RPS6KA5: variants seen among roughly 807,000 people sequenced by gnomAD.
RPS6KA5 encodes the protein ribosomal protein S6 kinase alpha-5.
RPS6KA5 carries 27 observed loss-of-function variants against 85.5 expected under a neutral mutation model. The observed-to-expected ratio is 0.32, with a 90% CI of 0.23 to 0.44. The LOEUF is 0.44. Among genes scored for constraint, RPS6KA5 ranks in the 20% least tolerant of loss-of-function variants. The pLI is 1.00. For missense variants in RPS6KA5, 811 were observed against 980.9 expected (o/e 0.83, Z 2.31); for synonymous variants, 334 against 348.2 (o/e 0.96, Z 0.46).
intron 3 of RPS6KA5, among the ~76,000 whole-genome samples, chr14:90,948,608 T>C (rs753382879): frequency 2.6e-5 from 4 of 151,434 alleles, no homozygotes; most frequent in Admixed American, 1.3e-4. Context: ...GGCAGGAGAA[T>C]GGCATGAACC....
At position 91,060,334 on chromosome 14, in the gene RPS6KA5, G is replaced by C. The variant is rs766260545; in HGVS notation, c.101C>G (p.Thr34Ser). The C allele has an allele frequency of 2.9e-6, 4 of 1,392,144 alleles. No individual in the cohort carries two copies. Among genetic ancestry groups the C allele is most frequent in the South Asian group, 3.4e-5 (2 of 58,210 alleles). 86.2% of individuals were successfully genotyped at this position (1,392,144 alleles called of 1,614,324 possible). A position where few individuals can be genotyped will look rare whatever the true frequency, so the allele number is the denominator to read the frequency against. Residue 34 changes from threonine (T) to serine (S), a missense_variant and splice_region_variant, in exon 1 of 17, where the codon ACT becomes AGT. Around this residue, in one of 3 missense-constraint regions of RPS6KA5, gnomAD observed 113 missense variants for 100.0 expected, o/e 1.13. Transcript: ENST00000614987. ...CGGCAGAGGGCGGGGTCGCTCACCA[G>C]TCCGCAGCTCGTGCTTGACAGTGAG... The part of the protein sequence containing the change: ...QLLTVKHELR[T>S]ANLTGHAEKV...
At chr14:90,909,396 A>C (rs933339172) in intron 7 of RPS6KA5, among the ~76,000 whole-genome samples, 2 of 152,350 alleles carry the variant, frequency 1.3e-5, no homozygotes, top group Admixed American at 1.3e-4. Flanking sequence ...AGCCTTCTGT[A>C]AAGTCAGAAA....
At chr14:90,976,968 C>T (rs1399904224) in intron 3 of RPS6KA5, among the ~76,000 whole-genome samples, 1 of 152,042 alleles carries the variant, frequency 6.6e-6, no homozygotes, top group Admixed American at 6.5e-5. Context: ...TCAAAGAATA[C>T]AGGCAGCAAT....
In RPS6KA5 at chr14:91,038,633, C is replaced by A. The variant is rs957271873; in HGVS notation, c.103+21699G>T. On this transcript the variant is annotated intron_variant, in intron 1 of 16. Coordinates refer to ENST00000614987, the MANE Select transcript of RPS6KA5 (RefSeq NM_004755.4). ...CCGCAGACCTGGCTACTGCTCCAAA[C>A]CAACAATATGACACAGCAGCTTAGC... is the stretch of plus-strand genomic sequence containing the variant. Among the ~76,000 whole-genome samples the A allele has an allele frequency of 3.0e-4, 45 of 152,182 alleles. 1 individual carries two copies.
chr14:90,900,562 C>A, intron 10 of RPS6KA5, 49 bp downstream of exon 10: 1 of 1,563,218 alleles, frequency 6.4e-7, no homozygotes, highest in Non-Finnish European at 8.7e-7. Flanking sequence ...GGTATTTAAA[C>A]ACTCACAAAA....
At chr14:90,957,112 T>A (rs2038563357) in intron 3 of RPS6KA5, among the ~76,000 whole-genome samples, 1 of 152,160 alleles carries the variant, frequency 6.6e-6, no homozygotes, top group Non-Finnish European at 1.5e-5. Flanking sequence ...TCACCCACAC[T>A]GAAGTACAGT....
intron 1 of RPS6KA5, among the ~76,000 whole-genome samples, chr14:91,055,515 C>T (rs2139968963): frequency 6.6e-6 from 1 of 152,286 alleles, no homozygotes; most frequent in East Asian, 1.9e-4. Flanking sequence ...CAGGTTGGCT[C>T]ACACCCGTAA....
In RPS6KA5 at chr14:90,920,335, T is replaced by C. The variant is rs201537795; in HGVS notation, c.703-26A>G. The C allele has an allele frequency of 5.8e-6, 8 of 1,385,120 alleles. No individual in the cohort carries two copies. The Admixed American group carries it at 7.3e-5, about 13-fold the overall frequency. 85.8% of individuals were successfully genotyped at this position (1,385,120 alleles called of 1,614,324 possible). The stretch of plus-strand genomic sequence containing the variant: ...CTATAAAACAACAATAATTTCATTT[T>C]ATAGAATTATCAACTAAAATATTTT... On this transcript the variant is annotated intron_variant, in intron 6 of 16. Coordinates refer to ENST00000614987, the MANE Select transcript of RPS6KA5 (RefSeq NM_004755.4).
chr14:90,932,875 CT>C (rs527641494), intron 5 of RPS6KA5, among the ~76,000 whole-genome samples: 4 of 152,194 alleles, frequency 2.6e-5, no homozygotes, highest in Non-Finnish European at 4.4e-5. Flanking sequence ...ATCTACCCCA[CT>C]TCCTTTTGAG....
intron 6 of RPS6KA5, among the ~76,000 whole-genome samples, chr14:90,920,686 A>C (rs972638370): frequency 2.1e-5 from 3 of 144,272 alleles, no homozygotes; most frequent in Non-Finnish European, 4.5e-5. Flanking sequence ...ACAATAAATG[A>C]AAAAAAAAAC....
At chr14:91,053,665 A>G (rs947602149) in intron 1 of RPS6KA5, among the ~76,000 whole-genome samples, 8 of 152,260 alleles carry the variant, frequency 5.3e-5, no homozygotes, top group African/African-American at 1.9e-4. Flanking sequence ...TATACTCCTT[A>G]AACGGAAAAA....
At chr14:90,881,596 G>A (rs1264219200) in intron 14 of RPS6KA5, among the ~76,000 whole-genome samples, 3 of 152,090 alleles carry the variant, frequency 2.0e-5, no homozygotes, top group Non-Finnish European at 4.4e-5. Flanking sequence ...TGCCTCCTGG[G>A]TTCAAGCGAT....
chr14:90,935,013 G>C (rs1489196200), intron 5 of RPS6KA5, among the ~76,000 whole-genome samples: 1 of 152,116 alleles, frequency 6.6e-6, no homozygotes, highest in Non-Finnish European at 1.5e-5. Flanking sequence ...TTTGGCAAAT[G>C]ACTGATAGAG....
chr14:90,893,966 T>G (rs1297869778), intron 13 of RPS6KA5: 2 of 832,896 alleles, frequency 2.4e-6, no homozygotes, highest in Non-Finnish European at 2.9e-6. Flanking sequence ...AAGACAACTC[T>G]TTAAGTATTT....
chr14:90,937,855 G>A (rs577333455), intron 5 of RPS6KA5, among the ~76,000 whole-genome samples: 36 of 152,150 alleles, frequency 2.4e-4, no homozygotes, highest in African/African-American at 7.7e-4. Flanking sequence ...CACAACATGC[G>A]GGAATTCAAG....
chr14:91,040,776 T>C (rs2042578121), intron 1 of RPS6KA5, among the ~76,000 whole-genome samples: 1 of 152,146 alleles, frequency 6.6e-6, no homozygotes, highest in African/African-American at 2.4e-5. Flanking sequence ...AGAGCACAGT[T>C]TGTCACTGGG....
At chr14:90,997,209 G>A (rs964917692) in intron 2 of RPS6KA5, among the ~76,000 whole-genome samples, 5 of 152,138 alleles carry the variant, frequency 3.3e-5, no homozygotes, top group African/African-American at 1.2e-4. Context: ...AAAGGAAGAA[G>A]ATCATTCTCA....
At chr14:90,965,471 A>G (rs1054183940) in intron 3 of RPS6KA5, among the ~76,000 whole-genome samples, 2 of 152,198 alleles carry the variant, frequency 1.3e-5, no homozygotes, top group African/African-American at 4.8e-5. Flanking sequence ...AAGAAAGGAG[A>G]AAGGAAGAAA....
intron 2 of RPS6KA5, among the ~76,000 whole-genome samples, chr14:90,991,092 G>C (rs2040288429): frequency 6.6e-6 from 1 of 152,110 alleles, no homozygotes; most frequent in Admixed American, 6.5e-5. Flanking sequence ...AAAAAAGACA[G>C]GGGAAACTGA....
Sources: gnomAD v4.1 joint callset for allele counts (sites outside exome capture counted in the v4.1 genomes callset) on GRCh38, gnomAD v4.1.1 for gene constraint, gnomAD v4.1.1 regional missense constraint, MANE v1.5 for transcripts, NCBI Gene and HGNC (gene_info 2026-07-23, HGNC 2026-07-21) for gene names.